BMPR1A: variants seen among roughly 807,000 people sequenced by gnomAD.
The protein encoded by BMPR1A is bone morphogenetic protein receptor type-1A.
In BMPR1A, 7 loss-of-function variants were observed where a neutral mutation model predicts 66.0. The ratio of observed to expected loss-of-function variants is 0.11; its 90% CI spans 0.06 to 0.20. BMPR1A has a LOEUF of 0.20. BMPR1A is among the 10% of genes least tolerant of loss of function. The probability of loss-of-function intolerance (pLI) is 1.00; values close to 1 mark genes in which losing one functional copy is unlikely to be tolerated. For missense variants in BMPR1A, 408 were observed against 669.1 expected, an observed-to-expected ratio of 0.61 and a Z score of 4.31; for synonymous variants, 200 against 229.7, an observed-to-expected ratio of 0.87 and a Z score of 1.17.
At chr10:86,793,103 C>A (rs969804071) in intron 1 of BMPR1A, among the ~76,000 whole-genome samples, 2 of 137,416 alleles carry the variant, frequency 1.5e-5, no homozygotes, top group African/African-American at 5.5e-5. Flanking sequence ...TACCCCCCCC[C>A]ACCCCCCGCC....
rs577400072 is a variant in BMPR1A, at chr10:86,865,761, A to G, written c.-152-10106A>G. On this transcript the variant is annotated intron_variant, in intron 2 of 12. Coordinates refer to ENST00000372037, the MANE Select transcript of BMPR1A (RefSeq NM_004329.3). ...ATTGTCCCTGCACATTGCATTTTCTATCCTGGTCCCTGGTCAAACTGTATG... is the reference window on the plus strand; with the variant it reads ...ATTGTCCCTGCACATTGCATTTTCTGTCCTGGTCCCTGGTCAAACTGTATG... Among the ~76,000 whole-genome samples the G allele has an allele frequency of 2.1e-4, 32 of 152,346 alleles. No individual in the cohort carries two copies. The East Asian group carries it at 5.2e-3, about 25-fold the overall frequency.
At chr10:86,918,431 A>G (rs1843608567) in intron 9 of BMPR1A, among the ~76,000 whole-genome samples, 1 of 152,164 alleles carries the variant, frequency 6.6e-6, no homozygotes, top group African/African-American at 2.4e-5. Context: ...GGCAGCTGTG[A>G]TGAGTCACTG....
intron 3 of BMPR1A, among the ~76,000 whole-genome samples, chr10:86,887,159 T>C (rs1843077812): frequency 2.0e-5 from 3 of 152,130 alleles, no homozygotes; most frequent in Non-Finnish European, 2.9e-5. Flanking sequence ...TTTCACATTG[T>C]ATTTATTTGC....
intron 1 of BMPR1A, among the ~76,000 whole-genome samples, chr10:86,798,798 A>G (rs1841763577): frequency 6.6e-6 from 1 of 152,228 alleles, no homozygotes; most frequent in Non-Finnish European, 1.5e-5. Context: ...TACCATAATT[A>G]CTTTCAGATC....
At chr10:86,905,587 C>T (rs1024429055) in intron 7 of BMPR1A, among the ~76,000 whole-genome samples, 3 of 152,060 alleles carry the variant, frequency 2.0e-5, no homozygotes, top group African/African-American at 7.2e-5. Flanking sequence ...GTCCCTCATG[C>T]TTGGCACACA....
At chr10:86,767,363 C>T (rs897361371) in intron 1 of BMPR1A, among the ~76,000 whole-genome samples, 4 of 152,124 alleles carry the variant, frequency 2.6e-5, no homozygotes, top group African/African-American at 7.2e-5. Context: ...ATGGCAAAGG[C>T]GTCCAGAATA....
At chr10:86,903,999 G>A (rs545467971) in intron 7 of BMPR1A, among the ~76,000 whole-genome samples, 3 of 152,324 alleles carry the variant, frequency 2.0e-5, no homozygotes, top group South Asian at 4.1e-4. Context: ...CACCTGCTGG[G>A]TTCAAGCGAT....
At chr10:86,803,534 T>G (rs1273819999) in intron 1 of BMPR1A, among the ~76,000 whole-genome samples, 1 of 152,244 alleles carries the variant, frequency 6.6e-6, no homozygotes. Flanking sequence ...TGGAATTAGT[T>G]TTGTTGCATA....
chr10:86,919,161 C>A lies in BMPR1A; in HGVS notation c.869-11C>A. 6.2e-7 allele frequency: 1 copy of A among 1,613,882 alleles called. No individual in the cohort carries two copies. On this transcript the variant is annotated splice_polypyrimidine_tract_variant and intron_variant, in intron 9 of 12. Coordinates refer to ENST00000372037, the MANE Select transcript of BMPR1A (RefSeq NM_004329.3). ...ATGATAACTAACCTTTTAAACTCAT[C>A]AACTGGACAGGTTTCATAGCGGCAG...
intron 7 of BMPR1A, among the ~76,000 whole-genome samples, chr10:86,901,515 C>T (rs989649658): frequency 6.6e-6 from 1 of 152,204 alleles, no homozygotes; most frequent in African/African-American, 2.4e-5. Flanking sequence ...TTGGTTTTCT[C>T]AATTTCTAAC....
At chr10:86,774,507 T>G (rs976416309) in intron 1 of BMPR1A, among the ~76,000 whole-genome samples, 1 of 152,042 alleles carries the variant, frequency 6.6e-6, no homozygotes, top group Non-Finnish European at 1.5e-5. Context: ...TTTATAAGAC[T>G]TTAAAAAGAA....
intron 1 of BMPR1A, among the ~76,000 whole-genome samples, chr10:86,775,524 G>A (rs933772485): frequency 6.6e-6 from 1 of 152,160 alleles, no homozygotes; most frequent in Non-Finnish European, 1.5e-5. Flanking sequence ...GCTATAGAAA[G>A]TTTCATTTTT....
chr10:86,863,935 C>G (rs1842746410), intron 2 of BMPR1A, among the ~76,000 whole-genome samples: 1 of 152,094 alleles, frequency 6.6e-6, no homozygotes, highest in African/African-American at 2.4e-5. Flanking sequence ...CAAAACAATT[C>G]CTTTTTAAAG....
intron 2 of BMPR1A, among the ~76,000 whole-genome samples, chr10:86,842,511 T>G (rs1842437652): frequency 1.3e-5 from 2 of 152,142 alleles, no homozygotes; most frequent in African/African-American, 4.8e-5. Context: ...GGAAAGGACC[T>G]TATGAAGAAT....
chr10:86,888,687 C>T (rs954483437), intron 3 of BMPR1A, among the ~76,000 whole-genome samples: 1 of 151,918 alleles, frequency 6.6e-6, no homozygotes, highest in African/African-American at 2.4e-5. Context: ...ATTAGCCGGG[C>T]ATGGTGGCAT....
intron 1 of BMPR1A, among the ~76,000 whole-genome samples, chr10:86,789,241 T>C (rs1841563591): frequency 6.6e-6 from 1 of 152,190 alleles, no homozygotes. Flanking sequence ...TAGGCAGTGA[T>C]TTCTTCAATA....
At chr10:86,898,668 A>C (rs1843264332) in intron 5 of BMPR1A, among the ~76,000 whole-genome samples, 1 of 152,204 alleles carries the variant, frequency 6.6e-6, no homozygotes, top group South Asian at 2.1e-4. Flanking sequence ...CTGCCAAAGA[A>C]ACCCTTTCTT....
At chr10:86,850,057 A>G in intron 2 of BMPR1A, among the ~76,000 whole-genome samples, 1 of 152,182 alleles carries the variant, frequency 6.6e-6, no homozygotes. Context: ...GCAGTGGCTC[A>G]TGCCTGTAAT....
At chr10:86,758,903 A>G (rs572142090) in intron 1 of BMPR1A, among the ~76,000 whole-genome samples, 2 of 152,346 alleles carry the variant, frequency 1.3e-5, no homozygotes, top group East Asian at 1.9e-4. Context: ...CTTGGGTTTC[A>G]TTCATCTATA....
Sources: gnomAD v4.1 joint callset for allele counts (sites outside exome capture counted in the v4.1 genomes callset) on GRCh38, gnomAD v4.1.1 for gene constraint, MANE v1.5 for transcripts, NCBI Gene and HGNC (gene_info 2026-07-23, HGNC 2026-07-21) for gene names.